The following GPATCH1 variants were observed in gnomAD, a reference collection of about 807,000 sequenced individuals.
GPATCH1 encodes the protein G patch domain-containing protein 1.
GPATCH1 carries 73 observed loss-of-function variants against 114.9 expected under a neutral mutation model. The ratio of observed to expected loss-of-function variants is 0.64; its 90% CI spans 0.53 to 0.77. The LOEUF (loss-of-function observed/expected upper bound fraction) is 0.77, where lower values mean the gene tolerates loss of function less well. Among genes scored for constraint, GPATCH1 ranks in the 30% least tolerant of loss-of-function variants. GPATCH1 has a pLI of 0.00. For synonymous variants in GPATCH1, 391 were observed against 428.4 expected, an observed-to-expected ratio of 0.91 and a Z score of 1.08; for missense variants, 1,058 against 1,144.3, an observed-to-expected ratio of 0.92 and a Z score of 1.09.
At chr19:33,124,573 C>G (rs1973019391) in intron 17 of GPATCH1, among the ~76,000 whole-genome samples, 1 of 152,176 alleles carries the variant, frequency 6.6e-6, no homozygotes, top group Admixed American at 6.6e-5. Flanking sequence ...ATAAGAAGAG[C>G]TAACATTTAG....
rs913406103 is a variant in GPATCH1 at position 33,117,930 on chromosome 19, T to C, written c.2302T>C (p.Ser768Pro). The C allele has an allele frequency of 1.2e-6, 2 of 1,613,818 alleles. No homozygotes were observed. The highest frequency in any genetic ancestry group is 1.7e-6 in the Non-Finnish European group (2 of 1,179,866). Residue 768 changes from serine to proline, a missense_variant, in exon 16 of 20, where the codon TCC (serine) becomes CCC (proline). Physicochemically the swap from Ser to Pro is moderately conservative, Grantham distance 74 (BLOSUM62 -1). Coordinates refer to ENST00000170564, the MANE Select transcript of GPATCH1 (RefSeq NM_018025.3). ...CAGTTCCTCAGATGAAAAGTCCTCA[T>C]CCTCCGAGGATGAGCAAGGTGACAG... ...FASSSDEKSS[S>P]SEDEQGDSED...
At chr19:33,110,672 T>G (rs1599861237) in intron 11 of GPATCH1, among the ~76,000 whole-genome samples, 1 of 150,442 alleles carries the variant, frequency 6.6e-6, no homozygotes, top group Non-Finnish European at 1.5e-5. Context: ...AAACGGTTAG[T>G]GAAAGAGTGT....
At chr19:33,084,030 G>A (rs1369805375) in intron 1 of GPATCH1, among the ~76,000 whole-genome samples, 1 of 152,002 alleles carries the variant, frequency 6.6e-6, no homozygotes, top group Admixed American at 6.6e-5. Context: ...GGCTGGACTC[G>A]AACTTCTGAC....
At chr19:33,099,549 G>A (rs753336699) in intron 8 of GPATCH1, among the ~76,000 whole-genome samples, 3 of 151,318 alleles carry the variant, frequency 2.0e-5, no homozygotes, top group Admixed American at 6.6e-5. Flanking sequence ...TTTTCTATTC[G>A]GTGAATCTAT....
intron 2 of GPATCH1, among the ~76,000 whole-genome samples, chr19:33,090,086 A>G (rs1972577437): frequency 6.6e-6 from 1 of 152,148 alleles, no homozygotes; most frequent in Admixed American, 6.6e-5. Flanking sequence ...TCTTAGAGAA[A>G]ACTAAACAAC....
intron 19 of GPATCH1, among the ~76,000 whole-genome samples, chr19:33,128,566 A>T (rs1973068684): frequency 6.6e-6 from 1 of 151,980 alleles, no homozygotes; most frequent in African/African-American, 2.4e-5. Flanking sequence ...GGCCTAAAAA[A>T]ATCTTTTTTG....
Position 33,085,361 on chromosome 19 carries a change from A to G in GPATCH1, c.74-2773A>G, listed in dbSNP as rs1267586095. Among the ~76,000 whole-genome samples, 3 of 151,998 alleles carry G rather than the reference A, an allele frequency of 2.0e-5. No homozygotes were observed. The East Asian group carries it at 5.8e-4, about 29-fold the overall frequency. ...CCCAGCCCCCAGTAACCAGGACTAT[A>G]GGCGCATACCACCATGCCCGGCTAA... On this transcript the variant is annotated intron_variant, in intron 1 of 19. Transcript: ENST00000170564.
At chr19:33,113,948 C>T in intron 14 of GPATCH1, 45 bp downstream of exon 14, 1 of 1,571,944 alleles carries the variant, frequency 6.4e-7, no homozygotes, top group Non-Finnish European at 8.7e-7. Flanking sequence ...AGGGCCTCAA[C>T]CCCTAGCCTG....
chr19:33,106,829 A>G lies in GPATCH1; in HGVS notation c.1215A>G (p.Pro405=), dbSNP rs758006111. 6 of 1,614,098 alleles carry G rather than the reference A, an allele frequency of 3.7e-6. No homozygotes were observed. The highest frequency in any genetic ancestry group is 5.1e-6 in the Non-Finnish European group (6 of 1,180,022). The change falls in exon 10 of 20, where the codon CCA becomes CCG. Residue 405 remains proline (P), a synonymous_variant. Transcript: ENST00000170564. ...SESAGKATPD[P]GTHSKHQLNA... ...CAGCTGGAAAGGCAACGCCTGACCCAGGGACACACAGTAAGCACCAACTGA... is the reference window on the plus strand; with the variant it reads ...CAGCTGGAAAGGCAACGCCTGACCCGGGGACACACAGTAAGCACCAACTGA...
intron 1 of GPATCH1, among the ~76,000 whole-genome samples, chr19:33,083,126 C>T (rs1160374169): frequency 2.0e-5 from 3 of 150,828 alleles, no homozygotes; most frequent in Non-Finnish European, 4.4e-5. Context: ...CTCATGTAGT[C>T]CCAGCTACTC....
At chr19:33,093,013 A>G (rs8108329) in intron 3 of GPATCH1, among the ~76,000 whole-genome samples, 23,155 of 151,926 alleles carry the variant, frequency 0.15, 2,183 homozygotes, top group South Asian at 0.34. Context: ...ACATAGTGAA[A>G]CCCCATCTAT....
chr19:33,093,742 A>C (rs1244162158), intron 4 of GPATCH1, among the ~76,000 whole-genome samples: 1 of 152,074 alleles, frequency 6.6e-6, no homozygotes, highest in Non-Finnish European at 1.5e-5. Context: ...GAGGCTGGAG[A>C]GCTGTTAGGA....
At chr19:33,088,082 G>A (rs1393398433) in intron 1 of GPATCH1, 52 bp from the exon 2 acceptor site, 24 of 1,081,764 alleles carry the variant, frequency 2.2e-5, no homozygotes, top group African/African-American at 8.3e-5. Flanking sequence ...AATTTGAACC[G>A]ACCATCTCCT....
At chr19:33,097,995 G>C (rs193164179) in intron 8 of GPATCH1, 93 bp downstream of exon 8, 1 of 1,181,030 alleles carries the variant, frequency 8.5e-7, no homozygotes, top group East Asian at 2.4e-5. Flanking sequence ...ACCAGCCTCT[G>C]TTGTTGGTCA....
rs574176598 is a variant in GPATCH1, at chr19:33,110,505, G to A, written c.1585+489G>A. On this transcript the variant is annotated intron_variant, in intron 11 of 19. Transcript: ENST00000170564. ...GAATGAGGCAAGAATGAGGAAAGGG[G>A]TTGCTGTTGTATGCAGTAGTCCTCG... is the stretch of plus-strand genomic sequence containing the variant. Among the ~76,000 whole-genome samples, 3 of 152,270 alleles carry A rather than the reference G, an allele frequency of 2.0e-5. No homozygotes were observed. The East Asian group carries it at 5.8e-4, about 29-fold the overall frequency.
intron 19 of GPATCH1, among the ~76,000 whole-genome samples, chr19:33,129,217 A>C (rs1973076397): frequency 6.6e-6 from 1 of 151,764 alleles, no homozygotes; most frequent in East Asian, 1.9e-4. Context: ...ACTGTACTCC[A>C]GCCTGGGTGA....
At chr19:33,129,044 G>A (rs1289276747) in intron 19 of GPATCH1, among the ~76,000 whole-genome samples, 3 of 151,726 alleles carry the variant, frequency 2.0e-5, no homozygotes, top group Non-Finnish European at 4.4e-5. Flanking sequence ...TCAGGAAATC[G>A]AGACTATCCT....
intron 19 of GPATCH1, among the ~76,000 whole-genome samples, chr19:33,129,163 C>T (rs1295972735): frequency 6.6e-6 from 1 of 151,932 alleles, no homozygotes; most frequent in East Asian, 1.9e-4. Context: ...AGGAGAATCG[C>T]TTGAACCTGG....
chr19:33,110,753 A>G (rs938680392), intron 11 of GPATCH1, among the ~76,000 whole-genome samples: 2 of 151,690 alleles, frequency 1.3e-5, no homozygotes, highest in South Asian at 2.1e-4. Context: ...CAAGTTCCTT[A>G]CTGCTGAAGA....
Sources: allele counts gnomAD v4.1 joint callset (sites outside exome capture counted in the v4.1 genomes callset), GRCh38; gene constraint gnomAD v4.1.1; transcripts MANE v1.5; gene names NCBI Gene and HGNC (gene_info 2026-07-23, HGNC 2026-07-21).